SLAMF6: variants seen among roughly 807,000 people sequenced by gnomAD.
SLAMF6 encodes SLAM family member 6, also known as NK-T-B-antigen.
SLAMF6 carries 21 observed loss-of-function variants against 38.3 expected under a neutral mutation model. The ratio of observed to expected loss-of-function variants is 0.55; its 90% confidence interval spans 0.39 to 0.79. The LOEUF is 0.79. SLAMF6 is among the 30% of genes least tolerant of loss of function. The pLI is 0.00. For missense variants in SLAMF6, 341 were observed against 385.3 expected, an observed-to-expected ratio of 0.89 and a Z score of 0.96; for synonymous variants, 152 against 146.3, an observed-to-expected ratio of 1.04 and a Z score of -0.28.
chr1:160,491,371 G>T lies in SLAMF6; in HGVS notation c.400C>A (p.Gln134Lys), dbSNP rs770575805. Reference sequence around the variant, plus strand: ...AATAGCTGACTGTGATTGGTAACTTGTATGTTCCTCAGTTGTCCTGTTTGC... The same window carrying T: ...AATAGCTGACTGTGATTGGTAACTTTTATGTTCCTCAGTTGTCCTGTTTGC... ...LRILRQLRNI[Q>K]VTNHSQLFQN... The change falls in exon 3 of 8, where the codon CAA (glutamine) becomes AAA (lysine). Residue 134 changes from glutamine (Q) to lysine (K), a missense_variant. Gln to Lys is a moderately conservative substitution (Grantham distance 53, BLOSUM62 1). Coordinates refer to ENST00000368057, the MANE Select transcript of SLAMF6 (RefSeq NM_001184714.2). 1.9e-6 allele frequency: 3 copies of T among 1,613,412 alleles called. No individual in the cohort carries two copies. The highest frequency in any genetic ancestry group is 1.3e-5 in the African/African-American group (1 of 74,926).
chr1:160,490,193 C>T lies in SLAMF6; in HGVS notation c.796+5G>A. 6.2e-7 allele frequency: 1 copy of T among 1,613,744 alleles called. No individual in the cohort carries two copies. On this transcript the variant is annotated splice_donor_5th_base_variant and intron_variant, in intron 5 of 7. Coordinates refer to ENST00000368057, the MANE Select transcript of SLAMF6 (RefSeq NM_001184714.2). ...TGATGGAGAGTTAAGAGTCTGAATG[C>T]TCACCGGGGCCCTGTGTTCGCTGAG...
chr1:160,492,069 G>A (rs149063819), intron 2 of SLAMF6, among the ~76,000 whole-genome samples: 10 of 152,268 alleles, frequency 6.6e-5, no homozygotes, highest in East Asian at 1.9e-4. Context: ...GAAGTGCGGC[G>A]TATCTAGGCA....
At chr1:160,509,291 T>TG (rs1654349931) in intron 1 of SLAMF6, among the ~76,000 whole-genome samples, 1 of 152,196 alleles carries the variant, frequency 6.6e-6, no homozygotes, top group Non-Finnish European at 1.5e-5. Flanking sequence ...TAAGAAAATG[T>TG]GGCACATATA....
chr1:160,492,641 T>A (rs1013240401), intron 2 of SLAMF6, among the ~76,000 whole-genome samples: 1 of 152,204 alleles, frequency 6.6e-6, no homozygotes, highest in Non-Finnish European at 1.5e-5. Context: ...GTAAGGACAT[T>A]TCCACAGGTA....
chr1:160,489,200 C>T (rs1653135132), intron 5 of SLAMF6, 30 bp from the exon 6 acceptor site: 9 of 1,611,696 alleles, frequency 5.6e-6, no homozygotes, highest in Non-Finnish European at 7.6e-6. Context: ...CAGTCAATGG[C>T]ACAAGGACTC....
At chr1:160,500,912 T>C (rs1653854195) in intron 1 of SLAMF6, among the ~76,000 whole-genome samples, 1 of 152,170 alleles carries the variant, frequency 6.6e-6, no homozygotes, top group Admixed American at 6.6e-5. Flanking sequence ...CTTGTTTAAG[T>C]TCCATTGATT....
chr1:160,503,683 C>T (rs1001631888), intron 1 of SLAMF6, among the ~76,000 whole-genome samples: 4 of 152,144 alleles, frequency 2.6e-5, no homozygotes, highest in South Asian at 2.1e-4. Context: ...CATCCCTCCA[C>T]AAAAAACATG....
chr1:160,503,533 T>C (rs1033531114), intron 1 of SLAMF6, among the ~76,000 whole-genome samples: 1 of 152,066 alleles, frequency 6.6e-6, no homozygotes, highest in African/African-American at 2.4e-5. Context: ...ATATTAGCAA[T>C]AGGCATAGTA....
intron 1 of SLAMF6, among the ~76,000 whole-genome samples, chr1:160,512,313 A>AG (rs1654512468): frequency 6.6e-6 from 1 of 152,236 alleles, no homozygotes; most frequent in African/African-American, 2.4e-5. Context: ...TCCCTGTGGG[A>AG]ATTTCAGCAA....
In SLAMF6 at chr1:160,490,212, C is replaced by A; in HGVS notation, c.782G>T (p.Arg261Leu). The change falls in exon 5 of 8, where the codon CGA becomes CTA. Residue 261 changes from arginine to leucine, a missense_variant. By Grantham distance (102) the Arg-to-Leu change is moderately radical (BLOSUM62 -2). Coordinates refer to ENST00000368057, the MANE Select transcript of SLAMF6 (RefSeq NM_001184714.2). ...TGAATGCTCACCGGGGCCCTGTGTT[C>A]GCTGAGTAGACAAAGATAGGGAATC... ...RRDSLSLSTQ[R>L]TQGPAESARN... 1 of 1,613,662 alleles carries A rather than the reference C, an allele frequency of 6.2e-7. No individual in the cohort carries two copies. The highest frequency in any genetic ancestry group is 8.5e-7 in the Non-Finnish European group (1 of 1,179,788).
intron 6 of SLAMF6, 37 bp downstream of exon 6, chr1:160,489,051 A>G: frequency 6.4e-7 from 1 of 1,558,590 alleles, no homozygotes. Context: ...TGGCTGTAAA[A>G]CTGACAACAA....
At chr1:160,490,836 G>T in intron 3 of SLAMF6, 151 bp from the exon 4 acceptor site, 1 of 1,236,730 alleles carries the variant, frequency 8.1e-7, no homozygotes, top group Non-Finnish European at 1.1e-6. Context: ...CTATGTGGCA[G>T]GCAGGGGAGG....
At chr1:160,506,336 A>G (rs1025373812) in intron 1 of SLAMF6, among the ~76,000 whole-genome samples, 2 of 152,200 alleles carry the variant, frequency 1.3e-5, no homozygotes, top group Non-Finnish European at 2.9e-5. Context: ...AGAAGAATCC[A>G]TGATTGCCAG....
chr1:160,490,665 C>T lies in SLAMF6; in HGVS notation c.667G>A (p.Asp223Asn), dbSNP rs1175013284. The T allele has an allele frequency of 6.2e-7, 1 of 1,613,632 alleles. No homozygotes were observed. The highest frequency in any genetic ancestry group is 2.2e-5 in the East Asian group (1 of 44,864). The change falls in exon 4 of 8, where the codon GAT becomes AAT. Residue 223 changes from aspartate to asparagine, a missense_variant. Transcript: ENST00000368057. ...ACCATAAACAGAATCATTTTGGTATCTGTATATTGAATTTTAACATCTGAA... is the reference window on the plus strand; with the variant it reads ...ACCATAAACAGAATCATTTTGGTATTTGTATATTGAATTTTAACATCTGAA... ...LCEDVKIQYT[D>N]TKMILFMVSG...
At chr1:160,513,610 GAGAA>G (rs1654601837) in intron 1 of SLAMF6, among the ~76,000 whole-genome samples, 1 of 152,134 alleles carries the variant, frequency 6.6e-6, no homozygotes, top group Admixed American at 6.5e-5. Flanking sequence ...GGCAGCCAGA[GAGAA>G]AGGCCAAGTC....
At chr1:160,488,984 C>A in intron 6 of SLAMF6, 104 bp downstream of exon 6, 1 of 1,059,868 alleles carries the variant, frequency 9.4e-7, no homozygotes, top group East Asian at 2.5e-5. Context: ...CTGTCTTCTC[C>A]TCCCCTCAGT....
At chr1:160,506,627 C>T (rs974962573) in intron 1 of SLAMF6, among the ~76,000 whole-genome samples, 1 of 152,082 alleles carries the variant, frequency 6.6e-6, no homozygotes, top group Admixed American at 6.6e-5. Context: ...AATACAAAAG[C>T]CAGTATTCTT....
chr1:160,503,784 C>A (rs1192652508), intron 1 of SLAMF6, among the ~76,000 whole-genome samples: 1 of 151,834 alleles, frequency 6.6e-6, no homozygotes, highest in African/African-American at 2.4e-5. Context: ...TTATAGCAAC[C>A]AAACAAATGA....
Position 160,485,685 on chromosome 1 carries a change from A to T in SLAMF6, c.*1022T>A, listed in dbSNP as rs913280920. On this transcript the variant is annotated 3_prime_UTR_variant, in exon 8 of 8. Coordinates refer to ENST00000368057, the MANE Select transcript of SLAMF6 (RefSeq NM_001184714.2). ...GAAGGATCCAATTTATATTAAAAAC[A>T]TTACTCTGGCCATCTTGTGGAGAGT... 1 of 152,642 alleles carries T rather than the reference A, an allele frequency of 6.6e-6. No individual in the cohort carries two copies. The highest frequency in any genetic ancestry group is 1.5e-5 in the Non-Finnish European group (1 of 68,060). The allele number at this position is 152,642 out of a possible 1,614,324, so 9.5% of individuals were successfully genotyped here. A position where few individuals can be genotyped will look rare whatever the true frequency, so the allele number is the denominator to read the frequency against.
Sources: allele counts gnomAD v4.1 joint callset (sites outside exome capture counted in the v4.1 genomes callset), GRCh38; gene constraint gnomAD v4.1.1; transcripts MANE v1.5; gene names NCBI Gene and HGNC (gene_info 2026-07-23, HGNC 2026-07-21).